Variants in RBFOX1 observed in about 807,000 individuals in gnomAD.
RBFOX1 encodes RNA binding protein fox-1 homolog 1.
In RBFOX1, 8 loss-of-function variants were observed where a neutral mutation model predicts 57.7. The ratio of observed to expected loss-of-function variants is 0.14; its 90% CI spans 0.08 to 0.25. RBFOX1 has a LOEUF of 0.25. RBFOX1 is among the 10% of genes least tolerant of loss of function. The probability of loss-of-function intolerance (pLI) is 1.00; values close to 1 mark genes in which losing one functional copy is unlikely to be tolerated. For synonymous variants in RBFOX1, 326 were observed against 222.4 expected (o/e 1.47, Z -4.15); for missense variants, 611 against 548.5 (o/e 1.11, Z -1.14).
chr16:7,676,443 G>C (rs2073296542), intron 13 of RBFOX1, among the ~76,000 whole-genome samples: 1 of 152,278 alleles, frequency 6.6e-6, no homozygotes. Context: ...GTTCAGCAAA[G>C]TATAAAGAGT....
chr16:7,648,204 T>C (rs1046599999), intron 11 of RBFOX1, among the ~76,000 whole-genome samples: 3 of 152,124 alleles, frequency 2.0e-5, no homozygotes, highest in African/African-American at 7.2e-5. Context: ...AACCAACAAT[T>C]GAGGAAAAAA....
intron 10 of RBFOX1, among the ~76,000 whole-genome samples, chr16:7,625,087 G>T (rs1022169476): frequency 1.3e-5 from 2 of 152,054 alleles, no homozygotes; most frequent in Non-Finnish European, 2.9e-5. Context: ...ACAGCCCAGG[G>T]GATTGCTTTG....
At chr16:6,017,460 T>C (rs1374558160), upstream of RBFOX1, among the ~76,000 whole-genome samples, 4 of 152,202 alleles carry the variant, frequency 2.6e-5, no homozygotes, top group South Asian at 6.2e-4. Flanking sequence ...ATTATGATGT[T>C]ACCAACCCAG....
At chr16:7,045,230 G>A (rs1011927147) in intron 3 of RBFOX1, among the ~76,000 whole-genome samples, 32 of 152,022 alleles carry the variant, frequency 2.1e-4, no homozygotes, top group African/African-American at 7.5e-4. Context: ...TGGTGGTGGT[G>A]GTGGCAACCA....
chr16:5,932,798 G>A (rs2059091509), intron 4 of RBFOX1, among the ~76,000 whole-genome samples: 1 of 151,884 alleles, frequency 6.6e-6, no homozygotes, highest in African/African-American at 2.4e-5. Context: ...TTTCCCACGT[G>A]ACCTCGGGTG....
chr16:6,562,880 C>CTTTCTTTCTTTCTT (rs746999419), intron 2 of RBFOX1, among the ~76,000 whole-genome samples: 12 of 51,744 alleles, frequency 2.3e-4, no homozygotes, highest in South Asian at 1.3e-3. Flanking sequence ...TTCTTTCTTT[C>CTTTCTTTCTTTCTT]TTTTTTTTTT....
At chr16:6,924,878 C>T (rs2075249171) in intron 3 of RBFOX1, among the ~76,000 whole-genome samples, 1 of 141,598 alleles carries the variant, frequency 7.1e-6, no homozygotes, top group Admixed American at 7.4e-5. Context: ...TGATGTTCCC[C>T]TTCCTGTGTC....
At chr16:5,843,126 C>G (rs2056668787) in intron 3 of RBFOX1, among the ~76,000 whole-genome samples, 3 of 152,156 alleles carry the variant, frequency 2.0e-5, no homozygotes, top group South Asian at 2.1e-4. Flanking sequence ...CACGCCAGGC[C>G]TATTATTTTT....
At chr16:5,935,623 A>C (rs2059152999) in intron 4 of RBFOX1, among the ~76,000 whole-genome samples, 1 of 152,154 alleles carries the variant, frequency 6.6e-6, no homozygotes. Context: ...CTTACACAGG[A>C]CTTGTTTCTA....
chr16:6,620,790 A>G (rs995400715), intron 2 of RBFOX1, among the ~76,000 whole-genome samples: 7 of 150,446 alleles, frequency 4.7e-5, no homozygotes, highest in Non-Finnish European at 1.0e-4. Flanking sequence ...GATCCTCCCC[A>G]GACTGATTTA....
At chr16:7,166,306 A>G (rs1432395550) in intron 4 of RBFOX1, among the ~76,000 whole-genome samples, 1 of 151,966 alleles carries the variant, frequency 6.6e-6, no homozygotes, top group African/African-American at 2.4e-5. Flanking sequence ...GAACCACCGC[A>G]CCCGGCCGGA....
intron 2 of RBFOX1, among the ~76,000 whole-genome samples, chr16:5,562,301 A>T (rs1243756263): frequency 1.3e-5 from 2 of 152,208 alleles, no homozygotes; most frequent in Non-Finnish European, 2.9e-5. Flanking sequence ...AGTCCTACTT[A>T]GAAGTCAGAC....
chr16:6,925,058 G>T (rs2075288650), intron 3 of RBFOX1, among the ~76,000 whole-genome samples: 1 of 135,622 alleles, frequency 7.4e-6, no homozygotes, highest in South Asian at 2.5e-4. Context: ...TGGTGTATAT[G>T]TGCCACATTT....
intron 4 of RBFOX1, among the ~76,000 whole-genome samples, chr16:7,482,484 TG>T (rs2064222788): frequency 6.9e-6 from 1 of 144,470 alleles, no homozygotes; most frequent in Non-Finnish European, 1.5e-5. Flanking sequence ...TTGTTGTTGT[TG>T]TTGTTGTTGT....
intron 2 of RBFOX1, among the ~76,000 whole-genome samples, chr16:6,394,943 A>C (rs1009258164): frequency 6.6e-6 from 1 of 152,190 alleles, no homozygotes; most frequent in African/African-American, 2.4e-5. Flanking sequence ...CTCTTGTTAC[A>C]TTTGGTCTTC....
chr16:6,485,603 A>C (rs1047710814), intron 2 of RBFOX1, among the ~76,000 whole-genome samples: 3 of 152,122 alleles, frequency 2.0e-5, no homozygotes, highest in African/African-American at 7.2e-5. Context: ...AGGCAATTCC[A>C]CTGTACAGCA....
chr16:7,446,400 G>A (rs1011206456), intron 4 of RBFOX1, among the ~76,000 whole-genome samples: 6 of 152,160 alleles, frequency 3.9e-5, no homozygotes, highest in African/African-American at 1.4e-4. Flanking sequence ...AGGAGGCCAT[G>A]ATTTTCTAGT....
At chr16:5,505,853 G>A (rs2043360037) in intron 2 of RBFOX1, among the ~76,000 whole-genome samples, 1 of 152,100 alleles carries the variant, frequency 6.6e-6, no homozygotes. Flanking sequence ...GTGTCTAGAG[G>A]GATGAAGCCT....
intron 1 of RBFOX1, among the ~76,000 whole-genome samples, chr16:5,393,887 C>T (rs1273964777): frequency 6.6e-6 from 1 of 152,208 alleles, no homozygotes. Context: ...TCACGTTTCC[C>T]CCTAAGCCCT....
Sources: allele counts gnomAD v4.1 joint callset (sites outside exome capture counted in the v4.1 genomes callset), GRCh38; gene constraint gnomAD v4.1.1; transcripts MANE v1.5; gene names NCBI Gene and HGNC (gene_info 2026-07-23, HGNC 2026-07-21).